DUSP16: variants seen among roughly 807,000 people sequenced by gnomAD.
The protein encoded by DUSP16 is dual specificity protein phosphatase 16.
A neutral mutation model predicts 58.3 loss-of-function variants in DUSP16; 21 were observed. The ratio of observed to expected loss-of-function variants is 0.36; its 90% CI spans 0.26 to 0.52. The LOEUF is 0.52. Ranked by LOEUF, DUSP16 falls within the 20% of genes least tolerant of loss-of-function variation. DUSP16 has a pLI of 0.94. For synonymous variants in DUSP16, 320 were observed against 323.8 expected (o/e 0.99, Z 0.12); for missense variants, 726 against 819.0 (o/e 0.89, Z 1.39).
intron 3 of DUSP16, among the ~76,000 whole-genome samples, chr12:12,503,329 G>A (rs113442192): frequency 8.0e-5 from 12 of 150,520 alleles, no homozygotes; most frequent in East Asian, 4.0e-4. Context: ...GGGTTCAAGC[G>A]ATTCTCCTGC....
chr12:12,510,820 G>A (rs1944066587), intron 3 of DUSP16, among the ~76,000 whole-genome samples: 1 of 152,182 alleles, frequency 6.6e-6, no homozygotes, highest in Admixed American at 6.5e-5. Flanking sequence ...AAACAACTAG[G>A]TAAATAGCAG....
intron 1 of DUSP16, among the ~76,000 whole-genome samples, chr12:12,555,952 A>T (rs888181425): frequency 2.6e-5 from 4 of 152,096 alleles, no homozygotes; most frequent in Non-Finnish European, 5.9e-5. Flanking sequence ...GAGGTGGGAG[A>T]ATCCCTTGAA....
At position 12,474,318 on chromosome 12, in the gene DUSP16, A is replaced by G. The variant is rs908794038; in HGVS notation, c.*2515T>C. 6.6e-6 allele frequency: 1 copy of G among 152,268 alleles called. No individual in the cohort carries two copies. The highest frequency in any genetic ancestry group is 6.5e-5 in the Admixed American group (1 of 15,286). 9.4% of individuals were successfully genotyped at this position (152,268 alleles called of 1,614,324 possible). A position where few individuals can be genotyped will look rare whatever the true frequency, so the allele number is the denominator to read the frequency against. ...TGAGAAATGCACAGTTTAACCGTTC[A>G]ACAGCTGGCCTTACTTCAAAAGAAC... On this transcript the variant is annotated 3_prime_UTR_variant, in exon 7 of 7. Transcript: ENST00000298573.
chr12:12,529,142 G>C (rs1291115897), intron 1 of DUSP16, among the ~76,000 whole-genome samples: 1 of 152,154 alleles, frequency 6.6e-6, no homozygotes, highest in Non-Finnish European at 1.5e-5. Context: ...ACAGGGTCTT[G>C]CTCTGTCACC....
rs1197118563 is a variant in DUSP16 at position 12,522,160 on chromosome 12, C to CT, written c.-365-698dup. On this transcript the variant is annotated intron_variant, in intron 1 of 6. Coordinates refer to ENST00000298573, the MANE Select transcript of DUSP16 (RefSeq NM_030640.3). ...GAGCTAGGCCTGTGAAGTGCTGAAGCTCACAGCCATGGCCCTGTCATGTCT... is the reference window on the plus strand; with the variant it reads ...GAGCTAGGCCTGTGAAGTGCTGAAGCTTCACAGCCATGGCCCTGTCATGTCT... 1.7e-4 allele frequency among the ~76,000 whole-genome samples: 26 copies of CT among 152,366 alleles called. 1 individual carries two copies. The highest frequency in any genetic ancestry group is 1.6e-3 in the Admixed American group (25 of 15,296).
intron 6 of DUSP16, among the ~76,000 whole-genome samples, chr12:12,479,947 G>A (rs1943532157): frequency 6.6e-6 from 1 of 152,232 alleles, no homozygotes; most frequent in African/African-American, 2.4e-5. Context: ...ATAAACTCAT[G>A]TAACAGGATA....
At position 12,500,665 on chromosome 12, in the gene DUSP16, A is replaced by G. The variant is rs773425819; in HGVS notation, c.385T>C (p.Ser129Pro). 3 of 1,591,730 alleles carry G rather than the reference A, an allele frequency of 1.9e-6. No homozygotes were observed. The highest frequency in any genetic ancestry group is 2.6e-6 in the Non-Finnish European group (3 of 1,172,272). The change falls in exon 4 of 7, where the codon TCT (serine) becomes CCT (proline). Residue 129 changes from serine to proline, a missense_variant. Physicochemically the swap from Ser to Pro is moderately conservative, Grantham distance 74. Coordinates refer to ENST00000298573, the MANE Select transcript of DUSP16 (RefSeq NM_030640.3). Reference protein sequence around the residue: ...HLLAGGFAEFSRCFPGLCEGK... With the variant: ...HLLAGGFAEFPRCFPGLCEGK... ...TCACAGAGGCCAGGGAAACAACGAG[A>G]GAACTCAGCAAACCCACCTAAGAAT...
At chr12:12,518,267 C>T (rs558681777) in intron 3 of DUSP16, among the ~76,000 whole-genome samples, 1 of 151,148 alleles carries the variant, frequency 6.6e-6, no homozygotes, top group South Asian at 2.1e-4. Context: ...GTAATCCCAG[C>T]ACTTTGGGAG....
chr12:12,518,605 G>A (rs150916050), intron 3 of DUSP16, among the ~76,000 whole-genome samples: 52 of 152,114 alleles, frequency 3.4e-4, no homozygotes, highest in Middle Eastern at 6.8e-3. Flanking sequence ...CATGAAATGA[G>A]TTCCTAAACT....
intron 3 of DUSP16, among the ~76,000 whole-genome samples, chr12:12,506,992 C>T (rs942611405): frequency 5.3e-5 from 8 of 152,040 alleles, no homozygotes; most frequent in Non-Finnish European, 1.2e-4. Context: ...TTCACAATTC[C>T]AATTATAAAT....
At chr12:12,520,806 A>C (rs1046981787) in intron 2 of DUSP16, 65 bp downstream of exon 2, 33 of 1,565,562 alleles carry the variant, frequency 2.1e-5, no homozygotes, top group Non-Finnish European at 2.8e-5. Context: ...AGGAGGCTTC[A>C]ATTAAAATTA....
chr12:12,479,369 C>T (rs1943519168), intron 6 of DUSP16, among the ~76,000 whole-genome samples: 1 of 152,050 alleles, frequency 6.6e-6, no homozygotes, highest in African/African-American at 2.4e-5. Context: ...ATGTAGGGTG[C>T]TCATAATGAG....
At chr12:12,550,618 C>T (rs1312698271) in intron 1 of DUSP16, among the ~76,000 whole-genome samples, 1 of 152,014 alleles carries the variant, frequency 6.6e-6, no homozygotes. Context: ...GAACAGAAAA[C>T]CAAATAGCAC....
At position 12,477,005 on chromosome 12, in the gene DUSP16, G is replaced by A. The variant is rs1201472680; in HGVS notation, c.1826C>T (p.Ser609Leu). The change falls in exon 7 of 7, where the codon TCG (serine) becomes TTG (leucine). Residue 609 changes from serine to leucine, a missense_variant. Physicochemically the swap from Ser to Leu is moderately radical, Grantham distance 145. Transcript: ENST00000298573. The surrounding 1 kb of genome is among the most constrained non-coding windows in gnomAD (Gnocchi z 4.1). Reference protein sequence around the residue: ...RRQKPSDRADSRRSWHEESPF... With the variant: ...RRQKPSDRADLRRSWHEESPF... Reference sequence around the variant, plus strand: ...GCTCTCTTCATGCCAGCTCCGCCGCGAGTCAGCTCTGTCACTTGGCTTCTG... The same window carrying A: ...GCTCTCTTCATGCCAGCTCCGCCGCAAGTCAGCTCTGTCACTTGGCTTCTG... The A allele has an allele frequency of 6.2e-6, 10 of 1,614,218 alleles. No homozygotes were observed. The highest frequency in any genetic ancestry group is 1.1e-5 in the South Asian group (1 of 91,080).
At position 12,520,015 on chromosome 12, in the gene DUSP16, T is replaced by C. The variant is rs747316450; in HGVS notation, c.229-15A>G. ...TCAATGTCAACCTGAAATGCAAACA[T>C]GAGGCTTGTTAGGAAGAAGGTGAGA... On this transcript the variant is annotated splice_polypyrimidine_tract_variant and intron_variant, in intron 2 of 6. Transcript: ENST00000298573. 6.2e-7 allele frequency: 1 copy of C among 1,613,946 alleles called. No individual in the cohort carries two copies. The highest frequency in any genetic ancestry group is 8.5e-7 in the Non-Finnish European group (1 of 1,179,880).
At chr12:12,549,745 G>T (rs1944698146) in intron 1 of DUSP16, among the ~76,000 whole-genome samples, 1 of 150,248 alleles carries the variant, frequency 6.7e-6, no homozygotes, top group African/African-American at 2.5e-5. Flanking sequence ...ACAGATATGT[G>T]TGTATATATG....
At chr12:12,516,987 T>C (rs1240249017) in intron 3 of DUSP16, among the ~76,000 whole-genome samples, 1 of 152,194 alleles carries the variant, frequency 6.6e-6, no homozygotes, top group South Asian at 2.1e-4. Context: ...TTCATGACCA[T>C]GTAAGTAGGT....
At chr12:12,552,774 C>T (rs1944748994) in intron 1 of DUSP16, among the ~76,000 whole-genome samples, 1 of 151,958 alleles carries the variant, frequency 6.6e-6, no homozygotes, top group South Asian at 2.1e-4. Context: ...TATATCAACC[C>T]TCTTTGTTTT....
chr12:12,540,263 T>C (rs1045934517), intron 1 of DUSP16, among the ~76,000 whole-genome samples: 1 of 151,686 alleles, frequency 6.6e-6, no homozygotes, highest in East Asian at 1.9e-4. Context: ...GCCCGGGAGA[T>C]AGAGGTTGCA....
Sources: gnomAD v4.1 joint callset for allele counts (sites outside exome capture counted in the v4.1 genomes callset) on GRCh38, gnomAD v4.1.1 for gene constraint, Gnocchi (gnomAD v3.1) non-coding constraint, MANE v1.5 for transcripts, NCBI Gene and HGNC (gene_info 2026-07-23, HGNC 2026-07-21) for gene names.